MARK2: variants seen among roughly 807,000 people sequenced by gnomAD.
MARK2 encodes microtubule affinity regulating kinase 2.
A neutral mutation model predicts 89.8 loss-of-function variants in MARK2; 16 were observed. The observed-to-expected ratio is 0.18, with a 90% CI of 0.12 to 0.27. The LOEUF (loss-of-function observed/expected upper bound fraction) is 0.27. MARK2 is among the 10% of genes least tolerant of loss of function. The pLI is 1.00. For missense variants in MARK2, 621 were observed against 1,049.9 expected (o/e 0.59, Z 5.65); for synonymous variants, 382 against 399.5 (o/e 0.96, Z 0.52).
Position 63,910,562 on chromosome 11 carries a change from G to A in MARK2, c.*1325G>A, listed in dbSNP as rs1303204614. 2 of 152,132 alleles carry A rather than the reference G, an allele frequency of 1.3e-5. No homozygotes were observed. Among genetic ancestry groups the A allele is most frequent in the African/African-American group, 2.4e-5 (1 of 41,404 alleles). The allele number at this position is 152,132 out of a possible 1,614,324, so 9.4% of individuals were successfully genotyped here. A position where few individuals can be genotyped will look rare whatever the true frequency, so the allele number is the denominator to read the frequency against. ...TGCTGTTTCTGTTCTTGAGAAATTGGGGGTGGGAGTCCTACACAGAGGCTG... is the reference window on the plus strand; with the variant it reads ...TGCTGTTTCTGTTCTTGAGAAATTGAGGGTGGGAGTCCTACACAGAGGCTG... On this transcript the variant is annotated 3_prime_UTR_variant, in exon 19 of 19. Coordinates refer to ENST00000402010, the MANE Select transcript of MARK2 (RefSeq NM_001039469.3).
intron 16 of MARK2, 141 bp downstream of exon 16, chr11:63,905,184 C>A: frequency 1.0e-6 from 1 of 984,038 alleles, no homozygotes; most frequent in Non-Finnish European, 1.5e-6. Flanking sequence ...CTTCAGGAAG[C>A]ACAAGAAATT....
Position 63,910,655 on chromosome 11 carries a change from T to TTTA in MARK2, c.*1420_*1421insATT, listed in dbSNP as rs1554990142. The TTTA allele has an allele frequency of 2.2e-4, 24 of 110,760 alleles. No homozygotes were observed. The highest frequency in any genetic ancestry group is 7.4e-4 in the East Asian group (3 of 4,070). The allele number at this position is 110,760 out of a possible 1,614,324, so 6.9% of individuals were successfully genotyped here. On this transcript the variant is annotated 3_prime_UTR_variant, in exon 19 of 19. Transcript: ENST00000402010. Reference sequence around the variant, plus strand: ...TTATTTTTTATTATTTTATTTTATTTTTTTTTTTTTTGATTTATGATGACT... The same window carrying TTTA: ...TTATTTTTTATTATTTTATTTTATTTTTATTTTTTTTTTTGATTTATGATGACT...
intron 1 of MARK2, among the ~76,000 whole-genome samples, chr11:63,875,116 A>G (rs1197475465): frequency 7.0e-6 from 1 of 143,522 alleles, no homozygotes; most frequent in Non-Finnish European, 1.5e-5. Context: ...ATGCCCAGCT[A>G]ATTTTTTTTT....
chr11:63,845,049 C>G (rs1457066185), intron 1 of MARK2, among the ~76,000 whole-genome samples: 1 of 152,174 alleles, frequency 6.6e-6, no homozygotes, highest in African/African-American at 2.4e-5. Context: ...GCTAAATGGA[C>G]TCCCCCCAGC....
chr11:63,908,177 C>T (rs773792779), intron 17 of MARK2, 83 bp from the exon 18 acceptor site: 35 of 1,337,630 alleles, frequency 2.6e-5, no homozygotes, highest in Non-Finnish European at 3.3e-5. Flanking sequence ...GGCACCTCCC[C>T]AGACCCACTC....
In MARK2 at chr11:63,902,799, G is replaced by A. The variant is rs372754839; in HGVS notation, c.1416+17G>A. 3.3e-5 allele frequency: 53 copies of A among 1,597,162 alleles called. No homozygotes were observed. Among genetic ancestry groups the A allele is most frequent in the African/African-American group, 2.8e-4 (21 of 74,554 alleles). On this transcript the variant is annotated intron_variant, in intron 13 of 18. Transcript: ENST00000402010. The surrounding 1 kb of genome is among the most constrained non-coding windows in gnomAD (Gnocchi z 4.2). ...CCCTCCACGGTGAGCCGCACCCCCC[G>A]CTCTCTCCTTCCTTCCTGCGGTGGG...
chr11:63,863,958 T>G (rs1937975281), intron 1 of MARK2, among the ~76,000 whole-genome samples: 1 of 151,816 alleles, frequency 6.6e-6, no homozygotes, highest in African/African-American at 2.4e-5. Flanking sequence ...TTTTATTTAT[T>G]TATTTATTTT....
chr11:63,902,731 C>T lies in MARK2; in HGVS notation c.1365C>T (p.Ala455=). The T allele has an allele frequency of 6.2e-7, 1 of 1,613,928 alleles. No homozygotes were observed. The highest frequency in any genetic ancestry group is 8.5e-7 in the Non-Finnish European group (1 of 1,179,998). The change falls in exon 13 of 19, where the codon GCC becomes GCT. Residue 455 remains alanine (A), a synonymous_variant. Transcript: ENST00000402010. This position sits in a 1 kb window ranked among gnomAD's most constrained non-coding sequence, Gnocchi z 4.2. ...RKASSTAKVP[A]SPLPGLERKK... ...CCAGCAGCACAGCCAAGGTGCCTGC[C>T]AGCCCCCTGCCCGGTCTGGAGAGGA...
rs1333855952 is a variant in MARK2 at position 63,903,341 on chromosome 11, C to T, written c.1514+183C>T. 1.7e-5 allele frequency: 10 copies of T among 594,978 alleles called. No homozygotes were observed. Among genetic ancestry groups the T allele is most frequent in the Non-Finnish European group, 3.0e-5 (10 of 331,768 alleles). 36.9% of individuals were successfully genotyped at this position (594,978 alleles called of 1,614,324 possible). On this transcript the variant is annotated intron_variant, in intron 14 of 18. Transcript: ENST00000402010. The surrounding 1 kb of genome is among the most constrained non-coding windows in gnomAD (Gnocchi z 5.1). ...TTCCACGCCATTGCCTCCTCCCCATCTTCCTCTGACTGCTACTTGCAGTTT... is the reference window on the plus strand; with the variant it reads ...TTCCACGCCATTGCCTCCTCCCCATTTTCCTCTGACTGCTACTTGCAGTTT...
chr11:63,894,550 G>A (rs1342081164), intron 1 of MARK2, among the ~76,000 whole-genome samples: 4 of 152,132 alleles, frequency 2.6e-5, no homozygotes, highest in African/African-American at 9.7e-5. Flanking sequence ...TACAAAATTA[G>A]CCAGGCGTGG....
chr11:63,904,729 G>T lies in MARK2; in HGVS notation c.1677-57G>T, dbSNP rs934504761. On this transcript the variant is annotated intron_variant, in intron 15 of 18. Coordinates refer to ENST00000402010, the MANE Select transcript of MARK2 (RefSeq NM_001039469.3). The surrounding 1 kb of genome is among the most constrained non-coding windows in gnomAD (Gnocchi z 6.3). ...CCACCACAGGGTGTCCAGGTGCCCAGTGATGGCTGTCCTGTACCCTAATTC... is the reference window on the plus strand; with the variant it reads ...CCACCACAGGGTGTCCAGGTGCCCATTGATGGCTGTCCTGTACCCTAATTC... 9.0e-6 allele frequency: 14 copies of T among 1,557,680 alleles called. No individual in the cohort carries two copies. Among genetic ancestry groups the T allele is most frequent in the Non-Finnish European group, 1.2e-5 (14 of 1,135,514 alleles).
intron 1 of MARK2, among the ~76,000 whole-genome samples, chr11:63,857,190 A>G (rs1421508674): frequency 6.6e-6 from 1 of 151,542 alleles, no homozygotes; most frequent in African/African-American, 2.4e-5. Context: ...GTTTTTTGAG[A>G]CAGCCTCACT....
At chr11:63,889,029 T>C (rs1434473885) in intron 1 of MARK2, 4 of 1,236,046 alleles carry the variant, frequency 3.2e-6, no homozygotes, top group East Asian at 4.7e-5. Context: ...ATCTCAAACA[T>C]AGGATCTTTA....
At position 63,903,115 on chromosome 11, in the gene MARK2, C is replaced by T. The variant is rs1382894889; in HGVS notation, c.1471C>T (p.Arg491Trp). ...AAGCAGGAATTCCCCACTTTTGGAG[C>T]GGGCCAGCCTCGGCCAGGCCTCCAT... ...NRSRNSPLLE[R>W]ASLGQASIQN... The change falls in exon 14 of 19, where the codon CGG becomes TGG. Residue 491 changes from arginine (R) to tryptophan (W), a missense_variant. By Grantham distance (101) the Arg-to-Trp change is moderately radical. Coordinates refer to ENST00000402010, the MANE Select transcript of MARK2 (RefSeq NM_001039469.3). The surrounding 1 kb of genome is among the most constrained non-coding windows in gnomAD (Gnocchi z 5.1). The T allele has an allele frequency of 2.5e-6, 4 of 1,613,958 alleles. No homozygotes were observed. Among genetic ancestry groups the T allele is most frequent in the Non-Finnish European group, 2.5e-6 (3 of 1,179,978 alleles).
Position 63,904,694 on chromosome 11 carries a change from C to A in MARK2, c.1677-92C>A. 1.8e-6 allele frequency: 2 copies of A among 1,116,884 alleles called. No homozygotes were observed. The highest frequency in any genetic ancestry group is 2.7e-6 in the Non-Finnish European group (2 of 744,678). The allele number at this position is 1,116,884 out of a possible 1,614,324, so 69.2% of individuals were successfully genotyped here. On this transcript the variant is annotated intron_variant, in intron 15 of 18. Transcript: ENST00000402010. This position sits in a 1 kb window ranked among gnomAD's most constrained non-coding sequence, Gnocchi z 6.3. Reference sequence around the variant, plus strand: ...TGGCTGCCTCTGCCCTAGCATCCCCCTCCCTGTCCCCACCACAGGGTGTCC... The same window carrying A: ...TGGCTGCCTCTGCCCTAGCATCCCCATCCCTGTCCCCACCACAGGGTGTCC...
At chr11:63,844,999 AG>A (rs1565092085) in intron 1 of MARK2, among the ~76,000 whole-genome samples, 1 of 152,170 alleles carries the variant, frequency 6.6e-6, no homozygotes, top group Non-Finnish European at 1.5e-5. Flanking sequence ...CAAATGGGGT[AG>A]GGGGTGGGCG....
rs1162274339 is a variant in MARK2, at chr11:63,900,843, G to A, written c.952G>A (p.Glu318Lys). The A allele has an allele frequency of 1.2e-6, 2 of 1,614,068 alleles. No homozygotes were observed. Among genetic ancestry groups the A allele is most frequent in the Non-Finnish European group, 1.7e-6 (2 of 1,180,042 alleles). Residue 318 changes from glutamate (E) to lysine (K), a missense_variant, in exon 10 of 19, where the codon GAG becomes AAG. Glu to Lys is a moderately conservative substitution (Grantham distance 56). Coordinates refer to ENST00000402010, the MANE Select transcript of MARK2 (RefSeq NM_001039469.3). The surrounding 1 kb of genome is among the most constrained non-coding windows in gnomAD (Gnocchi z 4.7). ...HEDDELKPYV[E>K]PLPDYKDPRR... The stretch of plus-strand genomic sequence containing the variant: ...AGATGATGAACTAAAGCCTTACGTG[G>A]AGCCACTCCCTGACTACAAGGACCC...
intron 1 of MARK2, among the ~76,000 whole-genome samples, chr11:63,891,336 C>T (rs184535224): frequency 1.1e-3 from 169 of 152,256 alleles, no homozygotes; most frequent in African/African-American, 3.6e-3. Context: ...AGCTTATCTC[C>T]GACATCTACA....
In MARK2 at chr11:63,889,000, C is replaced by G. The variant is rs889613064; in HGVS notation, c.55-6159C>G. On this transcript the variant is annotated intron_variant, in intron 1 of 18. Coordinates refer to ENST00000402010, the MANE Select transcript of MARK2 (RefSeq NM_001039469.3). Reference sequence around the variant, plus strand: ...CCCCTTTTTACTCTAGGATTGCCTCCTCCTCTTTCTTTCCTCTCATCTCAA... The same window carrying G: ...CCCCTTTTTACTCTAGGATTGCCTCGTCCTCTTTCTTTCCTCTCATCTCAA... 22 of 1,327,614 alleles carry G rather than the reference C, an allele frequency of 1.7e-5. No individual in the cohort carries two copies. In the East Asian group the frequency reaches 1.8e-4, roughly 11 times the overall value. The allele number at this position is 1,327,614 out of a possible 1,614,324, so 82.2% of individuals were successfully genotyped here.
Sources: allele counts gnomAD v4.1 joint callset (sites outside exome capture counted in the v4.1 genomes callset), GRCh38; gene constraint gnomAD v4.1.1; non-coding constraint Gnocchi (gnomAD v3.1); transcripts MANE v1.5; gene names NCBI Gene and HGNC (gene_info 2026-07-23, HGNC 2026-07-21).